The following NPHP4 variants were observed in gnomAD, a reference collection of about 807,000 sequenced individuals.
NPHP4 encodes the protein nephrocystin-4.
A neutral mutation model predicts 155.8 loss-of-function variants in NPHP4; 151 were observed. The observed-to-expected ratio is 0.97, with a 90% CI of 0.85 to 1.11. The LOEUF (loss-of-function observed/expected upper bound fraction) is 1.11. NPHP4 is among the 50% of genes least tolerant of loss of function. The probability of loss-of-function intolerance (pLI) is 0.00; values close to 1 mark genes in which losing one functional copy is unlikely to be tolerated. For synonymous variants in NPHP4, 845 were observed against 816.8 expected (o/e 1.03, Z -0.59); for missense variants, 1,956 against 1,925.7 (o/e 1.02, Z -0.29).
chr1:5,928,276 G>A (rs765748939), intron 10 of NPHP4, among the ~76,000 whole-genome samples: 2 of 152,168 alleles, frequency 1.3e-5, no homozygotes, highest in African/African-American at 2.4e-5. Context: ...GTCTTTTTGA[G>A]AATGTCAAAA....
Position 5,905,862 on chromosome 1 carries a change from G to A in NPHP4, c.1612-79C>T. The A allele has an allele frequency of 7.4e-7, 1 of 1,355,812 alleles. No homozygotes were observed. Among genetic ancestry groups the A allele is most frequent in the Non-Finnish European group, 1.0e-6 (1 of 992,124 alleles). 84.0% of individuals were successfully genotyped at this position (1,355,812 alleles called of 1,614,324 possible). On this transcript the variant is annotated intron_variant, in intron 13 of 29. Coordinates refer to ENST00000378156, the MANE Select transcript of NPHP4 (RefSeq NM_015102.5). The surrounding 1 kb of genome is among the most constrained non-coding windows in gnomAD (Gnocchi z 4.0). Reference sequence around the variant, plus strand: ...AACCAACGGTGCTCAGATCTAAGGGGATTCATCGATTAATTGCCTCTGGAG... The same window carrying A: ...AACCAACGGTGCTCAGATCTAAGGGAATTCATCGATTAATTGCCTCTGGAG...
At position 5,873,235 on chromosome 1, in the gene NPHP4, C is replaced by T. The variant is rs778828765; in HGVS notation, c.3315+17G>A. 1.2e-5 allele frequency: 19 copies of T among 1,605,590 alleles called. No homozygotes were observed. The highest frequency in any genetic ancestry group is 2.2e-5 in the East Asian group (1 of 44,826). On this transcript the variant is annotated intron_variant, in intron 23 of 29. Transcript: ENST00000378156. ...CAGGAAGCCCCGAGATCAGTTTGTC[C>T]TCCGTTGCCCCTTTACCTTGGCGTG...
intron 11 of NPHP4, among the ~76,000 whole-genome samples, chr1:5,919,249 T>C (rs1453433292): frequency 1.3e-5 from 2 of 152,200 alleles, no homozygotes; most frequent in African/African-American, 2.4e-5. Context: ...TACAAGTTAA[T>C]CACATCAAGA....
In NPHP4 at chr1:5,873,352, G is replaced by A; in HGVS notation, c.3232-17C>T. 1 of 1,607,804 alleles carries A rather than the reference G, an allele frequency of 6.2e-7. No individual in the cohort carries two copies. Among genetic ancestry groups the A allele is most frequent in the South Asian group, 1.1e-5 (1 of 90,958 alleles). ...AGGAGAGGCCTGCAGGAACCGAACA[G>A]CACAAGCAGGTCAGGAAGCAACACC... On this transcript the variant is annotated splice_polypyrimidine_tract_variant and intron_variant, in intron 22 of 29. Transcript: ENST00000378156.
chr1:5,943,642 G>A (rs893814517), intron 9 of NPHP4, among the ~76,000 whole-genome samples: 2 of 152,196 alleles, frequency 1.3e-5, no homozygotes, highest in African/African-American at 2.4e-5. Context: ...CAGACAGGCC[G>A]CCCAGCTCAT....
chr1:5,878,652 G>C (rs1307605913), intron 19 of NPHP4, among the ~76,000 whole-genome samples: 2 of 152,206 alleles, frequency 1.3e-5, no homozygotes, highest in African/African-American at 4.8e-5. Flanking sequence ...GACACCTCCT[G>C]TCCTGGTCCT....
intron 18 of NPHP4, among the ~76,000 whole-genome samples, chr1:5,884,883 C>T (rs1390281810): frequency 1.1e-4 from 16 of 144,906 alleles, no homozygotes; most frequent in Admixed American, 1.0e-3. Context: ...TCCTACTCCA[C>T]GACCAAGATA....
chr1:5,964,941 A>ATATATATATATATTTTTTTTTTTT, intron 5 of NPHP4, among the ~76,000 whole-genome samples: 3 of 59,370 alleles, frequency 5.1e-5, no homozygotes, highest in African/African-American at 8.5e-5. Context: ...ATATATATAT[A>ATATATATATATATTTTTTTTTTTT]TTTTTTTTTT....
chr1:5,877,294 T>A lies in NPHP4; in HGVS notation c.2616A>T (p.Lys872Asn). The A allele has an allele frequency of 1.3e-6, 2 of 1,590,130 alleles. No homozygotes were observed. The highest frequency in any genetic ancestry group is 1.7e-6 in the Non-Finnish European group (2 of 1,162,118). ...SLLTTGSSRR[K>N]HVVQAQKLAD... ...CCAGCTTCTGTGCTTGCACCACGTGTTTTCCTGCGAAAGGGTCAGAGCGCG... is the reference window on the plus strand; with the variant it reads ...CCAGCTTCTGTGCTTGCACCACGTGATTTCCTGCGAAAGGGTCAGAGCGCG... Residue 872 changes from lysine to asparagine, a missense_variant, in exon 20 of 30, where the codon AAA (lysine) becomes AAT (asparagine). Coordinates refer to ENST00000378156, the MANE Select transcript of NPHP4 (RefSeq NM_015102.5).
chr1:5,924,967 T>C (rs1407492705), intron 11 of NPHP4, among the ~76,000 whole-genome samples: 1 of 152,172 alleles, frequency 6.6e-6, no homozygotes, highest in Non-Finnish European at 1.5e-5. Context: ...GTATCATAAT[T>C]TAAACACATG....
intron 25 of NPHP4, 49 bp downstream of exon 25, chr1:5,866,981 A>G (rs370137030): frequency 2.2e-5 from 32 of 1,446,456 alleles, no homozygotes; most frequent in Non-Finnish European, 3.0e-5. Context: ...ACAGGGGCGC[A>G]GACTCACTGG....
chr1:5,900,609 T>C (rs1371502279), intron 16 of NPHP4, among the ~76,000 whole-genome samples: 1 of 152,172 alleles, frequency 6.6e-6, no homozygotes, highest in Non-Finnish European at 1.5e-5. Context: ...TTCTGTATGA[T>C]CCATCATGGT....
At chr1:5,931,176 G>C (rs1330358611) in intron 10 of NPHP4, among the ~76,000 whole-genome samples, 1 of 152,086 alleles carries the variant, frequency 6.6e-6, no homozygotes, top group Non-Finnish European at 1.5e-5. Flanking sequence ...CTTATAGACA[G>C]TATATAGTTG....
chr1:5,909,553 G>A lies in NPHP4; in HGVS notation c.1442-340C>T, dbSNP rs115756609. Among the ~76,000 whole-genome samples, 213 of 152,278 alleles carry A rather than the reference G, an allele frequency of 1.4e-3. 1 individual carries two copies. Among genetic ancestry groups the A allele is most frequent in the African/African-American group, 4.7e-3 (196 of 41,548 alleles). ...AGTCATCTTTGCATCTTCCCTGCCC[G>A]GAAGAGCTGGGGTCTGAGGTTGCCC... On this transcript the variant is annotated intron_variant, in intron 11 of 29. Coordinates refer to ENST00000378156, the MANE Select transcript of NPHP4 (RefSeq NM_015102.5).
chr1:5,864,458 G>T lies in NPHP4; in HGVS notation c.3876C>A (p.Gly1292=). 1 of 1,605,340 alleles carries T rather than the reference G, an allele frequency of 6.2e-7. No individual in the cohort carries two copies. The highest frequency in any genetic ancestry group is 8.5e-7 in the Non-Finnish European group (1 of 1,176,336). Residue 1292 remains glycine (G), a synonymous_variant, in exon 28 of 30, where the codon GGC becomes GGA. Transcript: ENST00000378156. ...GGCTGCCGGCCCTAAGGGGCCTCAC[G>T]CCAACATGCAGGTCCTGCACCCCAC... ...PPRGVQDLHV[G]VRPLRAGSRF...
intron 16 of NPHP4, among the ~76,000 whole-genome samples, chr1:5,891,751 C>T (rs562630871): frequency 1.3e-5 from 2 of 152,380 alleles, no homozygotes; most frequent in East Asian, 1.9e-4. Flanking sequence ...CAGCCCCCAA[C>T]GAGCAGAGGA....
chr1:5,976,490 C>T (rs911745643), intron 3 of NPHP4, among the ~76,000 whole-genome samples: 5 of 152,200 alleles, frequency 3.3e-5, no homozygotes, highest in African/African-American at 1.2e-4. Context: ...TTGCCAGCAC[C>T]GGGAACTCAT....
chr1:5,984,390 C>T (rs983590065), intron 2 of NPHP4, among the ~76,000 whole-genome samples: 2 of 152,100 alleles, frequency 1.3e-5, no homozygotes, highest in South Asian at 4.2e-4. Flanking sequence ...AAAACTTAGC[C>T]GGGCATGGTG....
chr1:5,932,216 A>G (rs1033194197), intron 10 of NPHP4, among the ~76,000 whole-genome samples: 1 of 152,234 alleles, frequency 6.6e-6, no homozygotes, highest in Non-Finnish European at 1.5e-5. Flanking sequence ...CAGAGCTTTC[A>G]TAAAACAAGA....
Sources: gnomAD v4.1 joint callset for allele counts (sites outside exome capture counted in the v4.1 genomes callset) on GRCh38, gnomAD v4.1.1 for gene constraint, Gnocchi (gnomAD v3.1) non-coding constraint, MANE v1.5 for transcripts, NCBI Gene and HGNC (gene_info 2026-07-23, HGNC 2026-07-21) for gene names.